IGF2R: variants seen among roughly 807,000 people sequenced by gnomAD.
IGF2R encodes the protein cation-independent mannose-6-phosphate receptor.
In IGF2R, 91 loss-of-function variants were observed where a neutral mutation model predicts 270.6. That is an observed-to-expected ratio of 0.34 (90% CI 0.28 to 0.40). The LOEUF (loss-of-function observed/expected upper bound fraction) is 0.40. Among genes scored for constraint, IGF2R ranks in the 10% least tolerant of loss-of-function variants. IGF2R has a pLI of 1.00. For synonymous variants in IGF2R, 1,316 were observed against 1,258.9 expected (o/e 1.05, Z -0.96); for missense variants, 2,805 against 3,188.3 (o/e 0.88, Z 2.90).
intron 1 of IGF2R, among the ~76,000 whole-genome samples, chr6:159,983,621 T>C (rs1243496377): frequency 6.6e-6 from 1 of 152,250 alleles, no homozygotes; most frequent in Non-Finnish European, 1.5e-5. Context: ...AGAGATCTTC[T>C]AAAGTCATTT....
At chr6:160,065,068 C>T (rs953711207) in intron 29 of IGF2R, among the ~76,000 whole-genome samples, 167 bp downstream of exon 29, 9 of 152,196 alleles carry the variant, frequency 5.9e-5, no homozygotes, top group African/African-American at 1.7e-4. Context: ...CTCTCAGCTC[C>T]GTCACCACCT....
At chr6:159,971,619 A>G (rs150268320) in intron 1 of IGF2R, among the ~76,000 whole-genome samples, 50 of 152,192 alleles carry the variant, frequency 3.3e-4, no homozygotes, top group Non-Finnish European at 6.3e-4. Context: ...TTTAAACCCA[A>G]CATGTGCCAA....
chr6:160,044,442 T>A (rs1246728100), intron 12 of IGF2R, 72 bp from the exon 13 acceptor site: 3 of 1,184,732 alleles, frequency 2.5e-6, no homozygotes, highest in Non-Finnish European at 2.4e-6. Context: ...CTTTTTTTTT[T>A]AAGTCACTTC....
chr6:160,008,984 G>C (rs1176832445), intron 2 of IGF2R, 26 bp from the exon 3 acceptor site: 2 of 1,612,216 alleles, frequency 1.2e-6, no homozygotes, highest in East Asian at 4.5e-5. Flanking sequence ...TTTATAGCCT[G>C]TTCACTCTCT....
intron 1 of IGF2R, among the ~76,000 whole-genome samples, chr6:159,990,720 C>G (rs936341656): frequency 6.6e-6 from 1 of 152,112 alleles, no homozygotes; most frequent in Non-Finnish European, 1.5e-5. Context: ...ACCTCCGTCT[C>G]CCAGGTTGAA....
intron 19 of IGF2R, among the ~76,000 whole-genome samples, chr6:160,054,913 T>A (rs1424879293): frequency 1.3e-4 from 20 of 152,156 alleles, no homozygotes; most frequent in Admixed American, 1.3e-3. Context: ...GCAGGATGCG[T>A]TCTTTCCCTG....
At chr6:159,997,484 A>G (rs957689296) in intron 2 of IGF2R, among the ~76,000 whole-genome samples, 2 of 151,972 alleles carry the variant, frequency 1.3e-5, no homozygotes, top group African/African-American at 4.8e-5. Context: ...AAGTCCCCAA[A>G]TTGCTGCCCG....
chr6:159,987,333 A>G (rs942040234), intron 1 of IGF2R, among the ~76,000 whole-genome samples: 1 of 152,166 alleles, frequency 6.6e-6, no homozygotes, highest in African/African-American at 2.4e-5. Flanking sequence ...AAATTTTCAG[A>G]GAGATTATTT....
At chr6:160,031,495 C>G (rs143580471) in intron 7 of IGF2R, among the ~76,000 whole-genome samples, 164 of 152,026 alleles carry the variant, frequency 1.1e-3, no homozygotes, top group African/African-American at 3.9e-3. Flanking sequence ...ATACCCCAAG[C>G]CCTGGCAACT....
intron 2 of IGF2R, among the ~76,000 whole-genome samples, chr6:159,995,847 G>T (rs1784044723): frequency 6.7e-6 from 1 of 148,694 alleles, no homozygotes; most frequent in Non-Finnish European, 1.5e-5. Context: ...TTTCTTTAGG[G>T]TCCACTGCTG....
chr6:159,972,928 TC>T lies in IGF2R; in HGVS notation c.149+3534del, dbSNP rs538975067. On this transcript the variant is annotated intron_variant, in intron 1 of 47. Coordinates refer to ENST00000356956, the MANE Select transcript of IGF2R (RefSeq NM_000876.4). Reference sequence around the variant, plus strand: ...GACTCAGCAAAGCATTTTTCAAGTGTCAAGTGGATTACTTGCCAGGTGGTCC... The same window carrying T: ...GACTCAGCAAAGCATTTTTCAAGTGTAAGTGGATTACTTGCCAGGTGGTCC... 1.8e-3 allele frequency among the ~76,000 whole-genome samples: 281 copies of T among 152,336 alleles called. 1 individual carries two copies. The highest frequency in any genetic ancestry group is 3.4e-3 in the Middle Eastern group (1 of 294).
chr6:160,103,677 G>C (rs1345447937), intron 46 of IGF2R, 69 bp from the exon 47 acceptor site: 2 of 1,085,860 alleles, frequency 1.8e-6, no homozygotes, highest in East Asian at 4.7e-5. Flanking sequence ...GGGTGGGGCT[G>C]GCGGGGGTGG....
At position 160,024,621 on chromosome 6, in the gene IGF2R, C is replaced by A; in HGVS notation, c.563C>A (p.Pro188His). The A allele has an allele frequency of 6.2e-7, 1 of 1,613,862 alleles. No homozygotes were observed. The highest frequency in any genetic ancestry group is 8.5e-7 in the Non-Finnish European group (1 of 1,179,792). ...GAGTTGAGGAAGCATGATCTCAATC[C>A]TCTGATCAAGCTTAGTGGTGCCTAC... ...DEELRKHDLN[P>H]LIKLSGAYLV... Residue 188 changes from proline (P) to histidine (H), a missense_variant, in exon 5 of 48, where the codon CCT becomes CAT. Pro to His is a moderately conservative substitution (Grantham distance 77). Coordinates refer to ENST00000356956, the MANE Select transcript of IGF2R (RefSeq NM_000876.4).
intron 26 of IGF2R, 141 bp downstream of exon 26, chr6:160,062,760 T>C (rs1441747813): frequency 8.9e-5 from 51 of 571,414 alleles, no homozygotes; most frequent in Non-Finnish European, 1.1e-4. Context: ...ATAATTTCTT[T>C]TCCTTGAGCT....
At chr6:160,022,069 A>G (rs191963147) in intron 4 of IGF2R, among the ~76,000 whole-genome samples, 4 of 147,580 alleles carry the variant, frequency 2.7e-5, no homozygotes, top group Non-Finnish European at 3.0e-5. Flanking sequence ...ACTCAGCCGT[A>G]AGGCAGAATG....
At chr6:160,026,939 T>C (rs1381465084) in intron 5 of IGF2R, among the ~76,000 whole-genome samples, 1 of 152,138 alleles carries the variant, frequency 6.6e-6, no homozygotes, top group African/African-American at 2.4e-5. Context: ...CATTTCTTGA[T>C]TACAAATAAC....
In IGF2R at chr6:159,990,033, C is replaced by T. The variant is rs900394394; in HGVS notation, c.150-1151C>T. 8.5e-5 allele frequency among the ~76,000 whole-genome samples: 13 copies of T among 152,318 alleles called. No individual in the cohort carries two copies. In the South Asian group the frequency reaches 2.7e-3, roughly 32 times the overall value. On this transcript the variant is annotated intron_variant, in intron 1 of 47. Coordinates refer to ENST00000356956, the MANE Select transcript of IGF2R (RefSeq NM_000876.4). ...TTCGAATCTGATAGCTGACTCATTGCACAGCTCTGTCTTGCGAGTTCAGAT... is the reference window on the plus strand; with the variant it reads ...TTCGAATCTGATAGCTGACTCATTGTACAGCTCTGTCTTGCGAGTTCAGAT...
At chr6:159,995,966 T>A (rs897555980) in intron 2 of IGF2R, among the ~76,000 whole-genome samples, 29 of 150,716 alleles carry the variant, frequency 1.9e-4, no homozygotes, top group Admixed American at 7.5e-4. Flanking sequence ...ATAAACTATC[T>A]CTTCTTTATT....
chr6:160,021,604 T>C (rs1226119409), intron 4 of IGF2R, among the ~76,000 whole-genome samples: 1 of 147,376 alleles, frequency 6.8e-6, no homozygotes, highest in Non-Finnish European at 1.5e-5. Flanking sequence ...AATAATAAAA[T>C]TAAAAAAAAA....
Sources: gnomAD v4.1 joint callset for allele counts (sites outside exome capture counted in the v4.1 genomes callset) on GRCh38, gnomAD v4.1.1 for gene constraint, MANE v1.5 for transcripts, NCBI Gene and HGNC (gene_info 2026-07-23, HGNC 2026-07-21) for gene names.